Variants in LHX8 observed in about 807,000 individuals in gnomAD.
The protein encoded by LHX8 is LIM homeobox 8.
A neutral mutation model predicts 40.3 loss-of-function variants in LHX8; 12 were observed. That is an observed-to-expected ratio of 0.30 (90% CI 0.19 to 0.48). The LOEUF (loss-of-function observed/expected upper bound fraction) is 0.48, where lower values mean the gene tolerates loss of function less well. Ranked by LOEUF, LHX8 falls within the 20% of genes least tolerant of loss-of-function variation. LHX8 has a pLI of 0.99. For missense variants in LHX8, 344 were observed against 433.7 expected (o/e 0.79, Z 1.84); for synonymous variants, 179 against 162.0 (o/e 1.10, Z -0.80).
chr1:75,198,308 A>G, the LHX8 span, among the ~76,000 whole-genome samples: 2 of 152,172 alleles, frequency 1.3e-5, no homozygotes, highest in East Asian at 3.8e-4. Context: ...CTTCTCAGAG[A>G]GGCCCAAATA....
the LHX8 span, among the ~76,000 whole-genome samples, chr1:75,173,414 C>T: frequency 7.9e-5 from 9 of 114,606 alleles, no homozygotes; most frequent in South Asian, 8.8e-4. Flanking sequence ...GACGGAATCT[C>T]GTTCTGTCGC....
At chr1:75,132,482 AC>A (rs1224674080), upstream of LHX8, 2 of 152,202 alleles carry the variant, frequency 1.3e-5, no homozygotes, top group Non-Finnish European at 2.9e-5. Context: ...CTGTCTGACG[AC>A]CATTCTTCTT....
intron 1 of LHX8, among the ~76,000 whole-genome samples, chr1:75,135,944 T>G (rs1253527842): frequency 2.6e-5 from 4 of 152,170 alleles, no homozygotes; most frequent in Admixed American, 2.0e-4. Context: ...TGCTGTAAGT[T>G]TACGAAAGAG....
upstream of LHX8, among the ~76,000 whole-genome samples, chr1:75,133,575 A>C (rs898503987): frequency 6.6e-6 from 1 of 152,212 alleles, no homozygotes; most frequent in Non-Finnish European, 1.5e-5. Context: ...AAAATCATTT[A>C]AAAATAATCT....
the LHX8 span, among the ~76,000 whole-genome samples, chr1:75,177,539 T>G: frequency 7.9e-5 from 12 of 152,352 alleles, no homozygotes; most frequent in South Asian, 2.5e-3. Context: ...CCTGAGACTT[T>G]GCTGAAGTTG....
downstream of LHX8, among the ~76,000 whole-genome samples, chr1:75,164,322 A>C (rs193077550): frequency 6.6e-6 from 1 of 152,292 alleles, no homozygotes; most frequent in Admixed American, 6.5e-5. Context: ...GTGGCAAGTA[A>C]CAAAGCCAGT....
upstream of LHX8, chr1:75,130,827 AG>A (rs1647942408): frequency 1.6e-6 from 2 of 1,234,414 alleles, no homozygotes; most frequent in Non-Finnish European, 2.4e-6. Flanking sequence ...AAAAATCCAA[AG>A]ACACGGTCTC....
the LHX8 span, among the ~76,000 whole-genome samples, chr1:75,174,066 A>G: frequency 1.3e-5 from 2 of 152,228 alleles, no homozygotes; most frequent in South Asian, 4.1e-4. Context: ...GCTTGTCCCA[A>G]GCATTTTGGA....
the LHX8 span, among the ~76,000 whole-genome samples, chr1:75,192,443 A>G: frequency 6.6e-6 from 1 of 152,190 alleles, no homozygotes; most frequent in Non-Finnish European, 1.5e-5. Flanking sequence ...TTATCAGAAT[A>G]ACAGTGAAGT....
downstream of LHX8, among the ~76,000 whole-genome samples, chr1:75,164,578 G>A (rs12138523): frequency 0.12 from 17,717 of 152,132 alleles, 1,314 homozygotes; most frequent in Middle Eastern, 0.22. Flanking sequence ...CACCAGCAGT[G>A]TTTGAAGTGT....
intron 7 of LHX8, among the ~76,000 whole-genome samples, chr1:75,154,190 C>T (rs965083642): frequency 3.9e-5 from 6 of 152,148 alleles, no homozygotes; most frequent in Non-Finnish European, 7.3e-5. Context: ...AGCTGGGTAG[C>T]ATTCATGCCA....
chr1:75,175,279 T>C, the LHX8 span, among the ~76,000 whole-genome samples: 2 of 152,206 alleles, frequency 1.3e-5, no homozygotes, highest in Non-Finnish European at 2.9e-5. Flanking sequence ...TGTGTGCAAA[T>C]GTCTTTTTCA....
chr1:75,190,382 A>C, the LHX8 span, among the ~76,000 whole-genome samples: 1 of 152,196 alleles, frequency 6.6e-6, no homozygotes, highest in Non-Finnish European at 1.5e-5. Flanking sequence ...AATAAAAAGC[A>C]ACAGATAGAT....
chr1:75,186,930 A>G, the LHX8 span, among the ~76,000 whole-genome samples: 1 of 152,208 alleles, frequency 6.6e-6, no homozygotes. Flanking sequence ...TATAATTGGA[A>G]GCCCTGCTGA....
the LHX8 span, among the ~76,000 whole-genome samples, chr1:75,198,331 G>A: frequency 2.6e-5 from 4 of 152,106 alleles, no homozygotes; most frequent in African/African-American, 7.2e-5. Flanking sequence ...CTGTCCACTA[G>A]GGTAGGAAGG....
downstream of LHX8, among the ~76,000 whole-genome samples, chr1:75,163,009 G>GTAGGA (rs1648961051): frequency 9.6e-6 from 1 of 103,714 alleles, no homozygotes; most frequent in East Asian, 2.8e-4. Context: ...CTGTGAGAGG[G>GTAGGA]TAGGATACCT....
upstream of LHX8, chr1:75,131,097 C>A (rs1231480308): frequency 5.5e-6 from 2 of 362,934 alleles, no homozygotes; most frequent in Non-Finnish European, 1.1e-5. Flanking sequence ...TCTGTTTCTG[C>A]GCCTGCAGGC....
chr1:75,172,540 A>T, the LHX8 span, among the ~76,000 whole-genome samples: 1 of 152,158 alleles, frequency 6.6e-6, no homozygotes, highest in Non-Finnish European at 1.5e-5. Flanking sequence ...TTTATTTTCC[A>T]TAATTCTGGG....
chr1:75,160,529 C>A, intron 8 of LHX8: 1 of 405,062 alleles, frequency 2.5e-6, no homozygotes, highest in Non-Finnish European at 4.5e-6. Context: ...GAAGAGGAAC[C>A]CATGTCTTTC....
Sources: gnomAD v4.1 joint callset for allele counts (sites outside exome capture counted in the v4.1 genomes callset) on GRCh38, gnomAD v4.1.1 for gene constraint, MANE v1.5 for transcripts, NCBI Gene and HGNC (gene_info 2026-07-23, HGNC 2026-07-21) for gene names.